Variants in DNM2 observed in about 807,000 individuals in gnomAD.
DNM2 encodes the protein dynamin-2.
Under a neutral mutation model 99.0 loss-of-function variants are expected in DNM2, and 15 were observed. The ratio of observed to expected loss-of-function variants is 0.15; its 90% CI spans 0.10 to 0.23. The LOEUF (loss-of-function observed/expected upper bound fraction) is 0.23. Among genes scored for constraint, DNM2 ranks in the 10% least tolerant of loss-of-function variants. DNM2 has a pLI of 1.00. For synonymous variants in DNM2, 525 were observed against 481.2 expected (o/e 1.09, Z -1.19); for missense variants, 742 against 1,189.4 (o/e 0.62, Z 5.53).
chr19:10,820,149 T>C lies in DNM2; in HGVS notation c.1781+60T>C. 1 of 1,518,160 alleles carries C rather than the reference T, an allele frequency of 6.6e-7. No individual in the cohort carries two copies. Among genetic ancestry groups the C allele is most frequent in the Non-Finnish European group, 9.1e-7 (1 of 1,094,868 alleles). 94.0% of individuals were successfully genotyped at this position (1,518,160 alleles called of 1,614,324 possible). A position where few individuals can be genotyped will look rare whatever the true frequency, so the allele number is the denominator to read the frequency against. The stretch of plus-strand genomic sequence containing the variant: ...TGAAGACCAATGGCCTCATTCACAC[T>C]CCACAACCTTCACTGAGCACTGAGC... On this transcript the variant is annotated intron_variant, in intron 16 of 20. Coordinates refer to ENST00000389253, the MANE Select transcript of DNM2 (RefSeq NM_001005361.3). The surrounding 1 kb of genome is among the most constrained non-coding windows in gnomAD (Gnocchi z 4.3).
rs756098055 is a variant in DNM2, at chr19:10,830,317, C to T, written c.2482C>T (p.Pro828Ser). The T allele has an allele frequency of 6.2e-7, 1 of 1,613,722 alleles. No individual in the cohort carries two copies. Among genetic ancestry groups the T allele is most frequent in the South Asian group, 1.1e-5 (1 of 91,088 alleles). ...VFANSDLFPA[P>S]PQIPSRPVRI... ...TGCCAACAGTGACCTCTTCCCAGCC[C>T]CGCCTCAGATCCCATCTCGGCCAGT... The change falls in exon 20 of 21, where the codon CCG becomes TCG. Residue 828 changes from proline (P) to serine (S), a missense_variant. By Grantham distance (74) the Pro-to-Ser change is moderately conservative (BLOSUM62 -1). Around this residue, in one of 7 missense-constraint regions of DNM2, gnomAD observed 187 missense variants for 218.8 expected, o/e 0.85. Coordinates refer to ENST00000389253, the MANE Select transcript of DNM2 (RefSeq NM_001005361.3). This position sits in a 1 kb window ranked among gnomAD's most constrained non-coding sequence, Gnocchi z 4.8.
At chr19:10,733,045 A>G (rs2069389336) in intron 1 of DNM2, among the ~76,000 whole-genome samples, 1 of 151,548 alleles carries the variant, frequency 6.6e-6, no homozygotes, top group South Asian at 2.1e-4. Context: ...CACCATGCCC[A>G]GCTAATTTTT....
Position 10,828,964 on chromosome 19 carries a change from T to G in DNM2, c.2059-72T>G, listed in dbSNP as rs777819303. On this transcript the variant is annotated intron_variant, in intron 18 of 20. Transcript: ENST00000389253. ...GTGGCCCCGCCCTGTGAGAGATGTT[T>G]TTCCAGCAGTCACTGTGGGTTCTGG... is the stretch of plus-strand genomic sequence containing the variant. 2.0e-6 allele frequency: 3 copies of G among 1,500,428 alleles called. No homozygotes were observed. The Admixed American group carries it at 5.7e-5, about 29-fold the overall frequency. 92.9% of individuals were successfully genotyped at this position (1,500,428 alleles called of 1,614,324 possible).
At chr19:10,793,657 A>G (rs1479824547) in intron 7 of DNM2, 63 bp from the exon 8 acceptor site, 5 of 1,613,966 alleles carry the variant, frequency 3.1e-6, no homozygotes, top group Middle Eastern at 1.7e-4. Flanking sequence ...TTGACTTGGA[A>G]CATCATTCCA....
At chr19:10,750,631 T>C (rs2070159071) in intron 1 of DNM2, among the ~76,000 whole-genome samples, 1 of 152,108 alleles carries the variant, frequency 6.6e-6, no homozygotes, top group South Asian at 2.1e-4. Context: ...AGTGAGATCC[T>C]GCCTCTAAAA....
chr19:10,773,423 A>C (rs1446379767), intron 3 of DNM2, among the ~76,000 whole-genome samples: 2 of 149,168 alleles, frequency 1.3e-5, no homozygotes, highest in African/African-American at 4.9e-5. Flanking sequence ...CTGGGATTAC[A>C]GACGTGAGCC....
chr19:10,791,712 C>T (rs999898605), intron 7 of DNM2, among the ~76,000 whole-genome samples: 1 of 152,122 alleles, frequency 6.6e-6, no homozygotes, highest in Non-Finnish European at 1.5e-5. Context: ...CCCCTCCCCC[C>T]GTCGCCCAGT....
chr19:10,815,794 G>A (rs1203956743), intron 15 of DNM2, among the ~76,000 whole-genome samples: 1 of 152,180 alleles, frequency 6.6e-6, no homozygotes, highest in Non-Finnish European at 1.5e-5. Flanking sequence ...GGAATGCTCT[G>A]TAGGAGTGCC....
At chr19:10,787,280 CGTG>C (rs1568300769) in intron 7 of DNM2, among the ~76,000 whole-genome samples, 1 of 151,754 alleles carries the variant, frequency 6.6e-6, no homozygotes, top group Non-Finnish European at 1.5e-5. Context: ...TCCTGGCTAA[CGTG>C]GTGAAACCCC....
chr19:10,725,154 A>C (rs894985505), intron 1 of DNM2, among the ~76,000 whole-genome samples: 4 of 152,212 alleles, frequency 2.6e-5, no homozygotes, highest in Admixed American at 1.3e-4. Context: ...GCATCTTGAA[A>C]AGGCCATACA....
chr19:10,819,521 C>T (rs1244204362), intron 15 of DNM2, among the ~76,000 whole-genome samples: 1 of 152,200 alleles, frequency 6.6e-6, no homozygotes, highest in Non-Finnish European at 1.5e-5. Context: ...CACATGTCAG[C>T]AGTGAACTCA....
At chr19:10,802,146 C>G (rs1322038558) in intron 11 of DNM2, 142 bp from the exon 12 acceptor site, 1 of 791,004 alleles carries the variant, frequency 1.3e-6, no homozygotes, top group Admixed American at 2.0e-5. Context: ...GTGGGGAGTG[C>G]GACGCCAGCC....
intron 5 of DNM2, among the ~76,000 whole-genome samples, chr19:10,780,102 G>A (rs957874694): frequency 3.9e-5 from 6 of 152,148 alleles, no homozygotes; most frequent in African/African-American, 1.2e-4. Flanking sequence ...TGAGATAGAT[G>A]TGGGGAAAAG....
intron 1 of DNM2, among the ~76,000 whole-genome samples, chr19:10,749,128 G>T (rs901134122): frequency 2.0e-5 from 3 of 152,180 alleles, no homozygotes; most frequent in Non-Finnish European, 2.9e-5. Flanking sequence ...TTGCCCTGGG[G>T]TGCTGGCTCT....
chr19:10,755,744 A>G (rs1395198169), intron 1 of DNM2, among the ~76,000 whole-genome samples: 7 of 151,144 alleles, frequency 4.6e-5, no homozygotes, highest in Non-Finnish European at 8.9e-5. Flanking sequence ...GCTCACTACA[A>G]TCTCCGCCTC....
intron 2 of DNM2, among the ~76,000 whole-genome samples, chr19:10,762,257 G>A (rs1446931823): frequency 6.6e-6 from 1 of 152,038 alleles, no homozygotes; most frequent in East Asian, 1.9e-4. Context: ...AGGCTGGTCT[G>A]GAACTCCTGA....
Position 10,775,910 on chromosome 19 carries a change from A to C in DNM2, c.589+4A>C. 1 of 1,610,318 alleles carries C rather than the reference A, an allele frequency of 6.2e-7. No individual in the cohort carries two copies. The highest frequency in any genetic ancestry group is 8.5e-7 in the Non-Finnish European group (1 of 1,179,990). On this transcript the variant is annotated splice_donor_region_variant and intron_variant, in intron 4 of 20. Transcript: ENST00000389253. This position sits in a 1 kb window ranked among gnomAD's most constrained non-coding sequence, Gnocchi z 4.3. ...GCCAAGGAAGTCGATCCCCAAGGTA[A>C]CCCTGAGCCTAGGGCAGTCCCCTCT...
At chr19:10,824,158 C>T (rs2073071506) in intron 17 of DNM2, 1 of 501,416 alleles carries the variant, frequency 2.0e-6, no homozygotes, top group African/African-American at 1.9e-5. Flanking sequence ...TCTCTTTTCC[C>T]CTTCCATCCT....
rs573754022 is a variant in DNM2 at position 10,799,285 on chromosome 19, A to G, written c.1422+713A>G. Among the ~76,000 whole-genome samples, 180 of 152,138 alleles carry G rather than the reference A, an allele frequency of 1.2e-3. 1 individual carries two copies. Among genetic ancestry groups the G allele is most frequent in the African/African-American group, 4.2e-3 (176 of 41,516 alleles). The stretch of plus-strand genomic sequence containing the variant: ...CCTGGCCACCACCAGCCCGCTCCCT[A>G]TCCTACAGTCCTTCAAGTGGACTCC... On this transcript the variant is annotated intron_variant, in intron 11 of 20. Transcript: ENST00000389253.
Sources: gnomAD v4.1 joint callset for allele counts (sites outside exome capture counted in the v4.1 genomes callset) on GRCh38, gnomAD v4.1.1 for gene constraint, gnomAD v4.1.1 regional missense constraint, Gnocchi (gnomAD v3.1) non-coding constraint, MANE v1.5 for transcripts, NCBI Gene and HGNC (gene_info 2026-07-23, HGNC 2026-07-21) for gene names.